Variants in RAB11FIP3 observed in about 807,000 individuals in gnomAD.
The protein encoded by RAB11FIP3 is rab11 family-interacting protein 3.
A neutral mutation model predicts 77.8 loss-of-function variants in RAB11FIP3; 17 were observed. That is an observed-to-expected ratio of 0.22 (90% CI 0.15 to 0.33). The LOEUF (loss-of-function observed/expected upper bound fraction) is 0.33, where lower values mean the gene tolerates loss of function less well. Ranked by LOEUF, RAB11FIP3 falls within the 10% of genes least tolerant of loss-of-function variation. The pLI, the probability that RAB11FIP3 is intolerant of heterozygous loss-of-function variation, is 1.00. For synonymous variants in RAB11FIP3, 437 were observed against 448.2 expected (o/e 0.98, Z 0.31); for missense variants, 1,005 against 1,011.2 (o/e 0.99, Z 0.08).
At chr16:431,818 G>A (rs1177271325) in intron 1 of RAB11FIP3, among the ~76,000 whole-genome samples, 1 of 151,102 alleles carries the variant, frequency 6.6e-6, no homozygotes, top group Non-Finnish European at 1.5e-5. Context: ...GTGCAGTGGC[G>A]TGATCTTGGC....
chr16:452,119 C>T (rs917796803), intron 1 of RAB11FIP3, among the ~76,000 whole-genome samples: 2 of 152,074 alleles, frequency 1.3e-5, no homozygotes, highest in Non-Finnish European at 2.9e-5. Flanking sequence ...CCACTGTACT[C>T]CAGCCTGGGC....
At position 472,184 on chromosome 16, in the gene RAB11FIP3, C is replaced by T. The variant is rs1470942954; in HGVS notation, c.903+795C>T. On this transcript the variant is annotated intron_variant, in intron 3 of 13. Transcript: ENST00000262305. This position sits in a 1 kb window ranked among gnomAD's most constrained non-coding sequence, Gnocchi z 4.1. ...GGGTAGTTTTTGAGTTGCTTTTGGA[C>T]GCCACTGTACCGTGGGAGCCATGGT... 3.9e-5 allele frequency among the ~76,000 whole-genome samples: 6 copies of T among 152,182 alleles called. No individual in the cohort carries two copies. Among genetic ancestry groups the T allele is most frequent in the South Asian group, 2.1e-4 (1 of 4,824 alleles).
chr16:502,391 G>A (rs760670757), intron 6 of RAB11FIP3, among the ~76,000 whole-genome samples: 13 of 152,210 alleles, frequency 8.5e-5, no homozygotes, highest in Non-Finnish European at 5.9e-5. Context: ...TGCTGGGGGC[G>A]TGTCCACAGG....
At position 461,197 on chromosome 16, in the gene RAB11FIP3, CAGT is replaced by C. The variant is rs1021367041; in HGVS notation, c.715-204_715-202del. ...CTGGACCCCTCGCATGCGGAGCACA[CAGT>C]AGGCTTTGCGCTCCTGTGAGAAGAA... On this transcript the variant is annotated intron_variant, in intron 1 of 13. Coordinates refer to ENST00000262305, the MANE Select transcript of RAB11FIP3 (RefSeq NM_014700.4). The surrounding 1 kb of genome is among the most constrained non-coding windows in gnomAD (Gnocchi z 4.5). 1.8e-4 allele frequency among the ~76,000 whole-genome samples: 27 copies of C among 152,168 alleles called. No homozygotes were observed. The highest frequency in any genetic ancestry group is 4.4e-5 in the Non-Finnish European group (3 of 68,036).
chr16:492,539 C>CCCGGGAGACCCG (rs2030653420), intron 5 of RAB11FIP3, among the ~76,000 whole-genome samples: 1 of 151,756 alleles, frequency 6.6e-6, no homozygotes, highest in Non-Finnish European at 1.5e-5. Context: ...CGAGGCCGTC[C>CCCGGGAGACCCG]AGAATCTTGG....
chr16:433,559 G>T (rs2055075660), intron 1 of RAB11FIP3, among the ~76,000 whole-genome samples: 1 of 151,590 alleles, frequency 6.6e-6, no homozygotes, highest in African/African-American at 2.4e-5. Flanking sequence ...TGGCCAAATA[G>T]TACTCCAGGC....
intron 5 of RAB11FIP3, among the ~76,000 whole-genome samples, chr16:492,862 T>C (rs184485770): frequency 1.1e-3 from 174 of 152,262 alleles, no homozygotes; most frequent in African/African-American, 2.9e-3. Flanking sequence ...CTGGGCTTTG[T>C]GGGGGCAGAG....
At chr16:498,590 G>C (rs575265004) in intron 6 of RAB11FIP3, among the ~76,000 whole-genome samples, 16 of 152,220 alleles carry the variant, frequency 1.1e-4, no homozygotes, top group African/African-American at 3.4e-4. Flanking sequence ...GCTCTCAATA[G>C]TTTTCACTTC....
chr16:435,461 C>A (rs2055112624), intron 1 of RAB11FIP3, among the ~76,000 whole-genome samples: 1 of 152,242 alleles, frequency 6.6e-6, no homozygotes, highest in African/African-American at 2.4e-5. Context: ...ATAAAGGCTC[C>A]AAATTTACTT....
At chr16:488,565 T>C (rs754295) in intron 4 of RAB11FIP3, among the ~76,000 whole-genome samples, 86,054 of 151,820 alleles carry the variant, frequency 0.57, 24,616 homozygotes, top group Middle Eastern at 0.67. Context: ...TGCGCATCCA[T>C]GCCTGGGTGA....
intron 1 of RAB11FIP3, among the ~76,000 whole-genome samples, chr16:446,899 C>A (rs952208955): frequency 3.3e-5 from 5 of 151,994 alleles, no homozygotes; most frequent in African/African-American, 1.2e-4. Context: ...CGGGGTTTCA[C>A]CATGTTGGCC....
At chr16:492,098 A>AG (rs770803636) in intron 5 of RAB11FIP3, among the ~76,000 whole-genome samples, 1 of 152,216 alleles carries the variant, frequency 6.6e-6, no homozygotes, top group Non-Finnish European at 1.5e-5. Flanking sequence ...TCCCTGCCCC[A>AG]GGGGGCTTCT....
intron 3 of RAB11FIP3, among the ~76,000 whole-genome samples, chr16:480,256 GCC>G (rs1247808502): frequency 7.8e-6 from 1 of 128,450 alleles, no homozygotes; most frequent in East Asian, 2.3e-4. Flanking sequence ...CTGCACTCCA[GCC>G]TGGGCAGGAA....
intron 1 of RAB11FIP3, among the ~76,000 whole-genome samples, chr16:429,740 C>G (rs1284246671): frequency 2.0e-5 from 3 of 152,088 alleles, no homozygotes; most frequent in Non-Finnish European, 4.4e-5. Context: ...TCAGGTGATC[C>G]ACCCGCCTCG....
At chr16:473,181 A>G (rs1387525119) in intron 3 of RAB11FIP3, among the ~76,000 whole-genome samples, 1 of 152,212 alleles carries the variant, frequency 6.6e-6, no homozygotes, top group Non-Finnish European at 1.5e-5. Context: ...CAAAGGCACC[A>G]GTGCATTTTA....
chr16:468,595 C>T (rs1376172797), intron 2 of RAB11FIP3, among the ~76,000 whole-genome samples: 1 of 152,054 alleles, frequency 6.6e-6, no homozygotes, highest in Non-Finnish European at 1.5e-5. Flanking sequence ...CTGTCTGCGT[C>T]GAGGAGTGAC....
intron 1 of RAB11FIP3, among the ~76,000 whole-genome samples, chr16:431,594 C>T (rs953803785): frequency 2.0e-5 from 3 of 151,912 alleles, no homozygotes; most frequent in Non-Finnish European, 2.9e-5. Flanking sequence ...AGGCTGGTCT[C>T]GAACACCAGA....
chr16:440,781 C>G (rs1296180074), intron 1 of RAB11FIP3, among the ~76,000 whole-genome samples: 2 of 152,218 alleles, frequency 1.3e-5, no homozygotes, highest in African/African-American at 2.4e-5. Context: ...AGGAAGGCAT[C>G]CCTGCCATCC....
chr16:476,867 G>T (rs1219460608), intron 3 of RAB11FIP3, among the ~76,000 whole-genome samples: 1 of 151,926 alleles, frequency 6.6e-6, no homozygotes, highest in Non-Finnish European at 1.5e-5. Flanking sequence ...AAGGTGGGCA[G>T]ATCACAAGGT....
Sources: allele counts gnomAD v4.1 joint callset (sites outside exome capture counted in the v4.1 genomes callset), GRCh38; gene constraint gnomAD v4.1.1; non-coding constraint Gnocchi (gnomAD v3.1); transcripts MANE v1.5; gene names NCBI Gene and HGNC (gene_info 2026-07-23, HGNC 2026-07-21).